EPHB6: variants seen among roughly 807,000 people sequenced by gnomAD.
EPHB6 encodes the protein EPH receptor B6, also known as ephrin type-B receptor 6.
In EPHB6, 51 loss-of-function variants were observed where a neutral mutation model predicts 107.0. The ratio of observed to expected loss-of-function variants is 0.48; its 90% confidence interval spans 0.38 to 0.60. The LOEUF (loss-of-function observed/expected upper bound fraction) is 0.60, where lower values mean the gene tolerates loss of function less well. Ranked by LOEUF, EPHB6 falls within the 20% of genes least tolerant of loss-of-function variation. The pLI is 0.00. For synonymous variants in EPHB6, 553 were observed against 549.0 expected (o/e 1.01, Z -0.10); for missense variants, 1,141 against 1,355.5 (o/e 0.84, Z 2.48).
At position 142,866,577 on chromosome 7, in the gene EPHB6, T is replaced by C. The variant is rs371183500; in HGVS notation, c.1559T>C (p.Leu520Pro). 1.2e-6 allele frequency: 2 copies of C among 1,613,978 alleles called. No individual in the cohort carries two copies. Among genetic ancestry groups the C allele is most frequent in the African/African-American group, 1.3e-5 (1 of 74,912 alleles). ...CCCGACCAGACCAATGGGAACATCC[T>C]GGACTATCAGCTCCGCTACTATGAC... is the stretch of plus-strand genomic sequence containing the variant. ...PQPDQTNGNI[L>P]DYQLRYYDQA... The change falls in exon 10 of 20, where the codon CTG becomes CCG. Residue 520 changes from leucine to proline, a missense_variant. Physicochemically the swap from Leu to Pro is moderately conservative, Grantham distance 98 (BLOSUM62 -3). This residue lies in a region of EPHB6 where 616 missense variants were observed against 759.3 expected (regional missense o/e 0.81). Coordinates refer to ENST00000652003, the MANE Select transcript of EPHB6 (RefSeq NM_004445.6). This position sits in a 1 kb window ranked among gnomAD's most constrained non-coding sequence, Gnocchi z 5.2.
At chr7:142,863,360 C>G (rs1563337789) in intron 5 of EPHB6, 33 bp downstream of exon 5, 3 of 1,594,334 alleles carry the variant, frequency 1.9e-6, no homozygotes, top group Non-Finnish European at 2.6e-6. Context: ...GAACCCAGAC[C>G]TGCCATAGAG....
intron 1 of EPHB6, among the ~76,000 whole-genome samples, chr7:142,860,477 C>T (rs900536760): frequency 6.6e-6 from 1 of 152,220 alleles, no homozygotes; most frequent in Non-Finnish European, 1.5e-5. Flanking sequence ...ATTTATTAAA[C>T]AGCCACTGGT....
chr7:142,870,437 A>G, intron 18 of EPHB6, 30 bp downstream of exon 18: 1 of 1,613,894 alleles, frequency 6.2e-7, no homozygotes, highest in Non-Finnish European at 8.5e-7. Context: ...AGCCTGGGAA[A>G]GCCAGGGAGG....
Position 142,869,692 on chromosome 7 carries a change from T to C in EPHB6, c.2461-125T>C. The C allele has an allele frequency of 2.7e-6, 3 of 1,122,000 alleles. No homozygotes were observed. The highest frequency in any genetic ancestry group is 2.6e-6 in the Non-Finnish European group (2 of 761,606). The allele number at this position is 1,122,000 out of a possible 1,614,324, so 69.5% of individuals were successfully genotyped here. A position where few individuals can be genotyped will look rare whatever the true frequency, so the allele number is the denominator to read the frequency against. On this transcript the variant is annotated intron_variant, in intron 16 of 19. Coordinates refer to ENST00000652003, the MANE Select transcript of EPHB6 (RefSeq NM_004445.6). This position sits in a 1 kb window ranked among gnomAD's most constrained non-coding sequence, Gnocchi z 4.5. ...AGATGATATCATCCACCTTAGAGGG[T>C]TGTTATGAGGATTAAATGAGATGCT...
In EPHB6 at chr7:142,866,047, G is replaced by T; in HGVS notation, c.1193G>T (p.Gly398Val). ...LHWRLPRELGGRGDLLFNVVC... is the reference protein window; with the variant it reads ...LHWRLPRELGVRGDLLFNVVC... ...TGGCGCCTGCCTCGGGAGCTGGGGG[G>T]TCGAGGGGACCTGCTCTTCAATGTC... Residue 398 changes from glycine to valine, a missense_variant, in exon 9 of 20, where the codon GGT becomes GTT. Around this residue, in one of 3 missense-constraint regions of EPHB6, gnomAD observed 304 missense variants for 295.7 expected, o/e 1.03. Coordinates refer to ENST00000652003, the MANE Select transcript of EPHB6 (RefSeq NM_004445.6). This position sits in a 1 kb window ranked among gnomAD's most constrained non-coding sequence, Gnocchi z 5.2. The T allele has an allele frequency of 6.2e-6, 10 of 1,612,612 alleles. No individual in the cohort carries two copies. Among genetic ancestry groups the T allele is most frequent in the Non-Finnish European group, 8.5e-6 (10 of 1,179,306 alleles).
intron 1 of EPHB6, among the ~76,000 whole-genome samples, chr7:142,856,297 G>C (rs1170899718): frequency 1.3e-5 from 2 of 152,222 alleles, no homozygotes; most frequent in African/African-American, 4.8e-5. Flanking sequence ...GAGCATTGAG[G>C]CTTCTGAGTG....
At chr7:142,856,859 C>G (rs147582519) in intron 1 of EPHB6, among the ~76,000 whole-genome samples, 2 of 151,140 alleles carry the variant, frequency 1.3e-5, no homozygotes, top group Non-Finnish European at 3.0e-5. Context: ...GCAACAGCCC[C>G]CATCTACACA....
At chr7:142,870,733 T>TG (rs1379515858) in intron 19 of EPHB6, 48 bp downstream of exon 19, 2 of 1,614,064 alleles carry the variant, frequency 1.2e-6, no homozygotes, top group Admixed American at 1.7e-5. Context: ...GGCCCCTGGC[T>TG]GGGGGTCGTA....
At position 142,867,871 on chromosome 7, in the gene EPHB6, G is replaced by A; in HGVS notation, c.1866-126G>A. ...CCTGCCCTGGGCCCCACGTGGAGATGGGCAGGAGGGCCAGGCTGTCGTCCC... is the reference window on the plus strand; with the variant it reads ...CCTGCCCTGGGCCCCACGTGGAGATAGGCAGGAGGGCCAGGCTGTCGTCCC... On this transcript the variant is annotated intron_variant, in intron 12 of 19. Transcript: ENST00000652003. This position sits in a 1 kb window ranked among gnomAD's most constrained non-coding sequence, Gnocchi z 5.3. 2.0e-6 allele frequency: 3 copies of A among 1,467,074 alleles called. No homozygotes were observed. Among genetic ancestry groups the A allele is most frequent in the Non-Finnish European group, 2.8e-6 (3 of 1,072,862 alleles). 90.9% of individuals were successfully genotyped at this position (1,467,074 alleles called of 1,614,324 possible). A position where few individuals can be genotyped will look rare whatever the true frequency, so the allele number is the denominator to read the frequency against.
At position 142,866,858 on chromosome 7, in the gene EPHB6, C is replaced by A. The variant is rs1286806222; in HGVS notation, c.1588-48C>A. On this transcript the variant is annotated intron_variant, in intron 10 of 19. Coordinates refer to ENST00000652003, the MANE Select transcript of EPHB6 (RefSeq NM_004445.6). The surrounding 1 kb of genome is among the most constrained non-coding windows in gnomAD (Gnocchi z 5.2). ...TGGCTGGGGGCCTTAGGGGCAGAAG[C>A]AGGGGCAAGAGGGGGCCAGGCAGGG... The A allele has an allele frequency of 1.2e-6, 2 of 1,613,698 alleles. No homozygotes were observed. The highest frequency in any genetic ancestry group is 1.7e-6 in the Non-Finnish European group (2 of 1,179,804).
In EPHB6 at chr7:142,867,423, G is replaced by A. The variant is rs896385497; in HGVS notation, c.1751-185G>A. 7.4e-6 allele frequency: 5 copies of A among 672,102 alleles called. No homozygotes were observed. The highest frequency in any genetic ancestry group is 5.3e-5 in the African/African-American group (3 of 56,590). The allele number at this position is 672,102 out of a possible 1,614,324, so 41.6% of individuals were successfully genotyped here. A position where few individuals can be genotyped will look rare whatever the true frequency, so the allele number is the denominator to read the frequency against. ...ATGTGTGTGTGTGTTGTGTGTCCCT[G>A]TGTGTGGATGTGGGAGGGCTGTGGG... On this transcript the variant is annotated intron_variant, in intron 11 of 19. Transcript: ENST00000652003. The surrounding 1 kb of genome is among the most constrained non-coding windows in gnomAD (Gnocchi z 5.3).
chr7:142,870,082 T>G, intron 17 of EPHB6, 116 bp downstream of exon 17: 1 of 1,585,008 alleles, frequency 6.3e-7, no homozygotes, highest in Non-Finnish European at 8.7e-7. Flanking sequence ...GCTGTTGGAT[T>G]GCCATATCTT....
At position 142,867,423 on chromosome 7, in the gene EPHB6, G is replaced by T. The variant is rs896385497; in HGVS notation, c.1751-185G>T. On this transcript the variant is annotated intron_variant, in intron 11 of 19. Coordinates refer to ENST00000652003, the MANE Select transcript of EPHB6 (RefSeq NM_004445.6). This position sits in a 1 kb window ranked among gnomAD's most constrained non-coding sequence, Gnocchi z 5.3. ...ATGTGTGTGTGTGTTGTGTGTCCCT[G>T]TGTGTGGATGTGGGAGGGCTGTGGG... 3.0e-6 allele frequency: 2 copies of T among 672,102 alleles called. No homozygotes were observed. The highest frequency in any genetic ancestry group is 5.4e-6 in the Non-Finnish European group (2 of 369,404). The allele number at this position is 672,102 out of a possible 1,614,324, so 41.6% of individuals were successfully genotyped here.
rs370383805 is a variant in EPHB6, at chr7:142,868,617, G to A, written c.2164G>A (p.Ala722Thr). Residue 722 changes from alanine to threonine, a missense_variant, in exon 15 of 20, where the codon GCA becomes ACA. Physicochemically the swap from Ala to Thr is moderately conservative, Grantham distance 58. Coordinates refer to ENST00000652003, the MANE Select transcript of EPHB6 (RefSeq NM_004445.6). The surrounding 1 kb of genome is among the most constrained non-coding windows in gnomAD (Gnocchi z 4.2). ...GCAGATGACCTTCCTGGGCCGGGCC[G>A]CAGTGCTGGGTCAGTTCCAGCACCC... is the stretch of plus-strand genomic sequence containing the variant. ...SLQMTFLGRA[A>T]VLGQFQHPNI... 1.7e-5 allele frequency: 28 copies of A among 1,613,666 alleles called. No individual in the cohort carries two copies. In the East Asian group the frequency reaches 1.8e-4, roughly 10 times the overall value.
In EPHB6 at chr7:142,857,891, G is replaced by A. The variant is rs1802677180; in HGVS notation, c.-432+2506G>A. ...TAACAATTATTTTGGTTTTCTTGTT[G>A]GCATTACTTCACTCATTCATTCTCA... On this transcript the variant is annotated intron_variant, in intron 1 of 19. Coordinates refer to ENST00000652003, the MANE Select transcript of EPHB6 (RefSeq NM_004445.6). 2.0e-5 allele frequency among the ~76,000 whole-genome samples: 3 copies of A among 152,068 alleles called. No individual in the cohort carries two copies. In the South Asian group the frequency reaches 6.2e-4, roughly 32 times the overall value.
chr7:142,864,557 G>T lies in EPHB6; in HGVS notation c.757G>T (p.Gly253Trp). The change falls in exon 7 of 20, where the codon GGG (glycine) becomes TGG (tryptophan). Residue 253 changes from glycine (G) to tryptophan (W), a missense_variant. Coordinates refer to ENST00000652003, the MANE Select transcript of EPHB6 (RefSeq NM_004445.6). Reference protein sequence around the residue: ...FPETQASGAGGASLVAAVGTC... With the variant: ...FPETQASGAGWASLVAAVGTC... The stretch of plus-strand genomic sequence containing the variant: ...AGAGACGCAGGCCAGTGGGGCTGGG[G>T]GGGCCTCCCTGGTGGCAGCTGTGGG... 2 of 1,613,244 alleles carry T rather than the reference G, an allele frequency of 1.2e-6. No homozygotes were observed.
chr7:142,869,279 C>A lies in EPHB6; in HGVS notation c.2460+132C>A. ...GTCATAGTCCCTGAAAGGAGGGAGGCTCTCCTGTGTGATGGGGAGATGAAA... is the reference window on the plus strand; with the variant it reads ...GTCATAGTCCCTGAAAGGAGGGAGGATCTCCTGTGTGATGGGGAGATGAAA... On this transcript the variant is annotated intron_variant, in intron 16 of 19. Coordinates refer to ENST00000652003, the MANE Select transcript of EPHB6 (RefSeq NM_004445.6). This position sits in a 1 kb window ranked among gnomAD's most constrained non-coding sequence, Gnocchi z 4.5. The A allele has an allele frequency of 9.4e-7, 1 of 1,062,226 alleles. No homozygotes were observed. The highest frequency in any genetic ancestry group is 1.5e-5 in the South Asian group (1 of 68,662). 65.8% of individuals were successfully genotyped at this position (1,062,226 alleles called of 1,614,324 possible). A position where few individuals can be genotyped will look rare whatever the true frequency, so the allele number is the denominator to read the frequency against.
intron 5 of EPHB6, 127 bp from the exon 6 acceptor site, chr7:142,863,504 C>T: frequency 8.0e-7 from 1 of 1,257,108 alleles, no homozygotes. Flanking sequence ...TGATGGACAG[C>T]TGTGCTCCTG....
At position 142,866,183 on chromosome 7, in the gene EPHB6, G is replaced by C; in HGVS notation, c.1329G>C (p.Glu443Asp). ...HFDPRQRGLT[E>D]SRVLVGGLRA... ...ACCCTCGCCAGAGAGGCCTGACTGA[G>C]AGCCGAGTGTTAGTGGGGGGACTCC... The change falls in exon 9 of 20, where the codon GAG becomes GAC. Residue 443 changes from glutamate (E) to aspartate (D), a missense_variant. Transcript: ENST00000652003. This position sits in a 1 kb window ranked among gnomAD's most constrained non-coding sequence, Gnocchi z 5.2. 1.2e-6 allele frequency: 2 copies of C among 1,614,158 alleles called. No homozygotes were observed. The highest frequency in any genetic ancestry group is 1.7e-6 in the Non-Finnish European group (2 of 1,180,028).
Sources: gnomAD v4.1 joint callset for allele counts (sites outside exome capture counted in the v4.1 genomes callset) on GRCh38, gnomAD v4.1.1 for gene constraint, gnomAD v4.1.1 regional missense constraint, Gnocchi (gnomAD v3.1) non-coding constraint, MANE v1.5 for transcripts, NCBI Gene and HGNC (gene_info 2026-07-23, HGNC 2026-07-21) for gene names.